The following TNRC6B variants were observed in gnomAD, a reference collection of about 807,000 sequenced individuals.
The protein encoded by TNRC6B is trinucleotide repeat containing adaptor 6B.
Under a neutral mutation model 203.6 loss-of-function variants are expected in TNRC6B, and 52 were observed. The ratio of observed to expected loss-of-function variants is 0.26; its 90% CI spans 0.20 to 0.32. The LOEUF is 0.32. TNRC6B is among the 10% of genes least tolerant of loss of function. The probability of loss-of-function intolerance (pLI) is 1.00; values close to 1 mark genes in which losing one functional copy is unlikely to be tolerated. For synonymous variants in TNRC6B, 838 were observed against 845.7 expected, an observed-to-expected ratio of 0.99 and a Z score of 0.16; for missense variants, 1,923 against 2,286.2, an observed-to-expected ratio of 0.84 and a Z score of 3.24.
At position 40,270,248 on chromosome 22, in the gene TNRC6B, C is replaced by G. The variant is rs1273213273; in HGVS notation, c.2933C>G (p.Thr978Arg). Residue 978 changes from threonine (T) to arginine (R), a missense_variant, in exon 6 of 23, where the codon ACG (threonine) becomes AGG (arginine). By Grantham distance (71) the Thr-to-Arg change is moderately conservative. This residue lies in a region of TNRC6B where 599 missense variants were observed against 656.5 expected (regional missense o/e 0.91). Coordinates refer to ENST00000454349, the MANE Select transcript of TNRC6B (RefSeq NM_001162501.2). The stretch of plus-strand genomic sequence containing the variant: ...GCATCGACCACAGGCTGGGGGAACA[C>G]GCCCGCCAACGCTCCCAATGCCATG... The part of the protein sequence containing the change: ...TGASTTGWGN[T>R]PANAPNAMKP... 1 of 1,479,730 alleles carries G rather than the reference C, an allele frequency of 6.8e-7. No homozygotes were observed. Among genetic ancestry groups the G allele is most frequent in the Admixed American group, 2.4e-5 (1 of 42,038 alleles). The allele number at this position is 1,479,730 out of a possible 1,614,324, so 91.7% of individuals were successfully genotyped here.
chr22:40,180,939 A>C (rs780821965), intron 1 of TNRC6B, among the ~76,000 whole-genome samples: 1 of 152,208 alleles, frequency 6.6e-6, no homozygotes, highest in Non-Finnish European at 1.5e-5. Flanking sequence ...ACTAGTGATA[A>C]TATCACAACA....
chr22:40,313,971 T>C (rs2071222318), intron 19 of TNRC6B, among the ~76,000 whole-genome samples: 1 of 152,236 alleles, frequency 6.6e-6, no homozygotes, highest in Non-Finnish European at 1.5e-5. Flanking sequence ...AGGAGACATC[T>C]CAATATTCCG....
chr22:40,071,741 T>G (rs1326093765), intron 1 of TNRC6B, among the ~76,000 whole-genome samples: 1 of 152,232 alleles, frequency 6.6e-6, no homozygotes, highest in Non-Finnish European at 1.5e-5. Context: ...CTTGGATTGA[T>G]TTTGTGTTCA....
At chr22:40,065,376 C>T (rs1350420283) in intron 1 of TNRC6B, among the ~76,000 whole-genome samples, 4 of 152,068 alleles carry the variant, frequency 2.6e-5, no homozygotes, top group East Asian at 1.9e-4. Flanking sequence ...GAACTCCTGG[C>T]GTCAAGCAAC....
chr22:40,321,255 T>G (rs775454493), intron 22 of TNRC6B, 26 bp downstream of exon 22: 1 of 1,608,796 alleles, frequency 6.2e-7, no homozygotes, highest in East Asian at 2.2e-5. Flanking sequence ...TACACCCACG[T>G]AGACAAACAT....
intron 3 of TNRC6B, among the ~76,000 whole-genome samples, chr22:40,133,367 G>A (rs767413413): frequency 2.4e-4 from 37 of 151,774 alleles, no homozygotes; most frequent in Non-Finnish European, 4.6e-4. Flanking sequence ...ACATTTATTG[G>A]GCACCTACTA....
chr22:40,191,842 C>T (rs1198228209), intron 1 of TNRC6B, among the ~76,000 whole-genome samples: 4 of 152,226 alleles, frequency 2.6e-5, no homozygotes, highest in Non-Finnish European at 5.9e-5. Context: ...CCTCCACCTC[C>T]TGGGTTCAAG....
At chr22:40,196,439 A>G (rs954680205) in intron 1 of TNRC6B, among the ~76,000 whole-genome samples, 7 of 152,096 alleles carry the variant, frequency 4.6e-5, no homozygotes, top group African/African-American at 1.7e-4. Flanking sequence ...ATAACCCACC[A>G]CTGAATAAAT....
At position 40,301,437 on chromosome 22, in the gene TNRC6B, A is replaced by C. The variant is rs1456785016; in HGVS notation, c.4120+104A>C. 4.1e-6 allele frequency: 5 copies of C among 1,214,094 alleles called. No individual in the cohort carries two copies. The African/African-American group carries it at 6.1e-5, about 15-fold the overall frequency. 75.2% of individuals were successfully genotyped at this position (1,214,094 alleles called of 1,614,324 possible). On this transcript the variant is annotated intron_variant, in intron 15 of 22. Transcript: ENST00000454349. ...CCTCCTTTTTTATGTCAGCTGTACA[A>C]GGTAGGTAAATATTCTTATCCCTGG...
intron 1 of TNRC6B, among the ~76,000 whole-genome samples, chr22:40,236,399 A>T (rs2069948136): frequency 6.6e-6 from 1 of 152,214 alleles, no homozygotes; most frequent in Admixed American, 6.5e-5. Flanking sequence ...ATGGAGATTC[A>T]TCCAAGTTGG....
At chr22:40,085,957 A>T (rs542138125) in intron 1 of TNRC6B, among the ~76,000 whole-genome samples, 80 of 151,716 alleles carry the variant, frequency 5.3e-4, no homozygotes, top group African/African-American at 1.8e-3. Context: ...GGCAGCCTAA[A>T]CCTCCCGGGC....
At chr22:40,263,376 C>T (rs141738439) in intron 4 of TNRC6B, among the ~76,000 whole-genome samples, 1 of 152,316 alleles carries the variant, frequency 6.6e-6, no homozygotes, top group East Asian at 1.9e-4. Flanking sequence ...TACCCATGGC[C>T]TTTCCTTCCT....
intron 1 of TNRC6B, among the ~76,000 whole-genome samples, chr22:40,069,859 C>T (rs768175737): frequency 8.5e-5 from 13 of 152,086 alleles, no homozygotes; most frequent in Non-Finnish European, 1.6e-4. Flanking sequence ...GAGATTTTCA[C>T]GGCTATCAGT....
chr22:40,088,587 T>TGTGTGTGC (rs2068121025), intron 1 of TNRC6B, among the ~76,000 whole-genome samples: 1 of 117,568 alleles, frequency 8.5e-6, no homozygotes, highest in Non-Finnish European at 1.7e-5. Context: ...GCTACTTTTG[T>TGTGTGTGC]GTGTGTGTGT....
intron 1 of TNRC6B, among the ~76,000 whole-genome samples, chr22:40,062,489 G>A (rs985155752): frequency 2.6e-5 from 4 of 152,194 alleles, no homozygotes; most frequent in Non-Finnish European, 5.9e-5. Context: ...GATTACAGGT[G>A]TGAGCCACTG....
chr22:40,296,457 G>T (rs1159859886), intron 12 of TNRC6B, among the ~76,000 whole-genome samples: 2 of 150,252 alleles, frequency 1.3e-5, no homozygotes, highest in African/African-American at 4.9e-5. Context: ...TCAGTCTCCC[G>T]AGTAGCTGGG....
At chr22:40,280,198 A>G (rs923886403) in intron 10 of TNRC6B, 55 bp downstream of exon 10, 8 of 1,557,336 alleles carry the variant, frequency 5.1e-6, no homozygotes, top group African/African-American at 1.4e-5. Flanking sequence ...TTTGGTTCCC[A>G]TTTGTCTTTT....
At chr22:40,106,588 A>G (rs2068285557) in intron 1 of TNRC6B, 1 of 727,710 alleles carries the variant, frequency 1.4e-6, no homozygotes, top group Non-Finnish European at 2.5e-6. Context: ...TGAATTCTCC[A>G]TAACCACGCT....
chr22:40,268,442 C>T (rs1259118107), intron 5 of TNRC6B, among the ~76,000 whole-genome samples: 1 of 152,054 alleles, frequency 6.6e-6, no homozygotes, highest in Non-Finnish European at 1.5e-5. Flanking sequence ...TTTGTGGCCT[C>T]TTAGAAAAAT....
Sources: allele counts gnomAD v4.1 joint callset (sites outside exome capture counted in the v4.1 genomes callset), GRCh38; gene constraint gnomAD v4.1.1; regional missense constraint gnomAD v4.1.1; transcripts MANE v1.5; gene names NCBI Gene and HGNC (gene_info 2026-07-23, HGNC 2026-07-21).